Variants in CTNNA2 observed in about 807,000 individuals in gnomAD.
The protein encoded by CTNNA2 is catenin alpha-2.
A neutral mutation model predicts 101.0 loss-of-function variants in CTNNA2; 42 were observed. That is an observed-to-expected ratio of 0.42 (90% CI 0.32 to 0.54). The LOEUF is 0.54. CTNNA2 is among the 20% of genes least tolerant of loss of function. The pLI is 0.14. For synonymous variants in CTNNA2, 450 were observed against 456.4 expected, an observed-to-expected ratio of 0.99 and a Z score of 0.18; for missense variants, 871 against 1,223.1, an observed-to-expected ratio of 0.71 and a Z score of 4.29.
Position 79,249,952 on chromosome 2 carries a change from A to G in CTNNA2, c.-406+51876A>G, listed in dbSNP as rs367593250. ...ATAAGAAATTAACACTTTGAACTGC[A>G]TCTGCCTGACTCCTGAGTTTTTGTA... On this transcript the variant is annotated intron_variant, in intron 2 of 21. Transcript: ENST00000466387. Among the ~76,000 whole-genome samples the G allele has an allele frequency of 6.0e-4, 91 of 152,268 alleles. 1 individual carries two copies. The highest frequency in any genetic ancestry group is 2.1e-3 in the African/African-American group (89 of 41,560).
intron 4 of CTNNA2, among the ~76,000 whole-genome samples, chr2:79,400,865 G>A (rs79717963): frequency 1.3e-5 from 2 of 151,872 alleles, no homozygotes; most frequent in East Asian, 3.9e-4. Context: ...TCAAACTGTT[G>A]AAAAATAAAG....
chr2:79,261,239 C>T (rs1258993605), intron 2 of CTNNA2, among the ~76,000 whole-genome samples: 1 of 152,096 alleles, frequency 6.6e-6, no homozygotes, highest in Non-Finnish European at 1.5e-5. Context: ...CCAGTCTCAC[C>T]AACACTTATA....
At chr2:80,145,698 G>A (rs1266768317) in intron 7 of CTNNA2, among the ~76,000 whole-genome samples, 6 of 152,200 alleles carry the variant, frequency 3.9e-5, no homozygotes, top group African/African-American at 1.4e-4. Flanking sequence ...CGTTTTCCTA[G>A]CAGATCAAAG....
chr2:79,475,661 A>G (rs1237904831), intron 4 of CTNNA2, among the ~76,000 whole-genome samples: 1 of 141,944 alleles, frequency 7.0e-6, no homozygotes, highest in African/African-American at 2.7e-5. Context: ...AATATAGCTT[A>G]TTTTTCATCT....
At chr2:79,724,527 A>T (rs1410062954) in intron 2 of CTNNA2, among the ~76,000 whole-genome samples, 1 of 152,022 alleles carries the variant, frequency 6.6e-6, no homozygotes, top group African/African-American at 2.4e-5. Flanking sequence ...CACTTTAAAG[A>T]AATAATGGGC....
intron 7 of CTNNA2, among the ~76,000 whole-genome samples, chr2:80,290,004 C>CATCA (rs1242003865): frequency 1.3e-5 from 2 of 152,150 alleles, no homozygotes; most frequent in African/African-American, 4.8e-5. Flanking sequence ...CTTGGGTTCT[C>CATCA]ATCACTCTCC....
intron 2 of CTNNA2, among the ~76,000 whole-genome samples, chr2:79,739,815 C>T (rs1294839590): frequency 1.3e-5 from 2 of 152,196 alleles, no homozygotes; most frequent in South Asian, 4.1e-4. Flanking sequence ...GCTGCTCTGA[C>T]TTCTCTAAGG....
chr2:80,049,219 A>T (rs1572943958), intron 7 of CTNNA2, among the ~76,000 whole-genome samples: 1 of 152,042 alleles, frequency 6.6e-6, no homozygotes, highest in East Asian at 1.9e-4. Context: ...TCATGAGGGG[A>T]GCAACAGAGA....
chr2:79,560,029 C>T (rs1674680956), intron 1 of CTNNA2, among the ~76,000 whole-genome samples: 1 of 151,434 alleles, frequency 6.6e-6, no homozygotes, highest in African/African-American at 2.4e-5. Context: ...TAGCGCCTGA[C>T]TCACTTCTCC....
chr2:80,324,968 G>T (rs912915324), intron 7 of CTNNA2, among the ~76,000 whole-genome samples: 1 of 152,054 alleles, frequency 6.6e-6, no homozygotes, highest in African/African-American at 2.4e-5. Flanking sequence ...TTCATGTTCT[G>T]CCATGGCACA....
chr2:80,213,237 A>C (rs1037547562), intron 7 of CTNNA2, among the ~76,000 whole-genome samples: 1 of 151,542 alleles, frequency 6.6e-6, no homozygotes, highest in Non-Finnish European at 1.5e-5. Context: ...GATCTTAGTT[A>C]TTTCTTGCCT....
intron 1 of CTNNA2, among the ~76,000 whole-genome samples, chr2:79,566,541 C>T (rs890817739): frequency 6.6e-6 from 1 of 151,742 alleles, no homozygotes; most frequent in Admixed American, 6.6e-5. Flanking sequence ...ATGCAGATAC[C>T]CAAAAGATGA....
chr2:79,511,224 T>G (rs1358229951), upstream of CTNNA2, among the ~76,000 whole-genome samples: 1 of 152,248 alleles, frequency 6.6e-6, no homozygotes, highest in African/African-American at 2.4e-5. Context: ...TGACACTGTA[T>G]GCAGTATCCC....
intron 7 of CTNNA2, among the ~76,000 whole-genome samples, chr2:80,252,979 A>G (rs145271944): frequency 6.6e-6 from 1 of 152,252 alleles, no homozygotes; most frequent in African/African-American, 2.4e-5. Flanking sequence ...GCTCTAAAGT[A>G]AGGCCAGGAA....
At chr2:79,724,830 A>AG (rs1349798512) in intron 2 of CTNNA2, among the ~76,000 whole-genome samples, 2 of 151,456 alleles carry the variant, frequency 1.3e-5, no homozygotes, top group Non-Finnish European at 2.9e-5. Flanking sequence ...AAAAAAAAAA[A>AG]AAAAAAGGAA....
chr2:79,826,236 A>G (rs1226551429), intron 3 of CTNNA2, among the ~76,000 whole-genome samples: 1 of 152,274 alleles, frequency 6.6e-6, no homozygotes, highest in African/African-American at 2.4e-5. Flanking sequence ...TCTACATGAC[A>G]TATTTCTTCT....
chr2:80,428,724 A>T (rs975476804), intron 9 of CTNNA2, among the ~76,000 whole-genome samples: 5 of 152,170 alleles, frequency 3.3e-5, no homozygotes, highest in Admixed American at 2.6e-4. Context: ...CTTGTTTCAA[A>T]CCATGAACTA....
chr2:79,197,046 C>T (rs1673970384), intron 1 of CTNNA2, among the ~76,000 whole-genome samples: 1 of 152,138 alleles, frequency 6.6e-6, no homozygotes, highest in Admixed American at 6.5e-5. Context: ...CCTGTGATAC[C>T]AGCCCTTAGG....
chr2:80,187,186 TATA>T (rs1262125498), intron 7 of CTNNA2, among the ~76,000 whole-genome samples: 3 of 152,168 alleles, frequency 2.0e-5, no homozygotes, highest in African/African-American at 7.2e-5. Flanking sequence ...GAGAGAAACT[TATA>T]ATAAAAACAT....
Sources: allele counts gnomAD v4.1 joint callset (sites outside exome capture counted in the v4.1 genomes callset), GRCh38; gene constraint gnomAD v4.1.1; transcripts MANE v1.5; gene names NCBI Gene and HGNC (gene_info 2026-07-23, HGNC 2026-07-21).